The following MAPK4 variants were observed in gnomAD, a reference collection of about 807,000 sequenced individuals.
MAPK4 encodes mitogen-activated protein kinase 4.
MAPK4 carries 22 observed loss-of-function variants against 47.7 expected under a neutral mutation model. The ratio of observed to expected loss-of-function variants is 0.46; its 90% CI spans 0.33 to 0.66. The LOEUF is 0.66. MAPK4 is among the 30% of genes least tolerant of loss of function. The probability of loss-of-function intolerance (pLI) is 0.02; values close to 1 mark genes in which losing one functional copy is unlikely to be tolerated. For synonymous variants in MAPK4, 390 were observed against 365.7 expected (o/e 1.07, Z -0.76); for missense variants, 736 against 831.7 (o/e 0.88, Z 1.42).
intron 2 of MAPK4, among the ~76,000 whole-genome samples, chr18:50,667,015 C>T (rs1907641196): frequency 6.6e-6 from 1 of 152,238 alleles, no homozygotes. Flanking sequence ...GACACAGGAT[C>T]TGAGGCCTCT....
chr18:50,692,103 G>T (rs992476863), intron 2 of MAPK4, among the ~76,000 whole-genome samples: 6 of 152,194 alleles, frequency 3.9e-5, no homozygotes, highest in Admixed American at 3.3e-4. Context: ...GATTATGAAA[G>T]GGGAGGTTGA....
chr18:50,613,479 G>A (rs1404494152), intron 1 of MAPK4, among the ~76,000 whole-genome samples: 1 of 152,196 alleles, frequency 6.6e-6, no homozygotes, highest in Non-Finnish European at 1.5e-5. Flanking sequence ...TGAGAATGCA[G>A]CCCATTTGAC....
intron 2 of MAPK4, among the ~76,000 whole-genome samples, chr18:50,711,197 G>T (rs1910341202): frequency 6.6e-6 from 1 of 152,196 alleles, no homozygotes. Flanking sequence ...GCTCCTCACA[G>T]GGCAGCTGCT....
At chr18:50,648,933 G>A (rs1206546265) in intron 1 of MAPK4, among the ~76,000 whole-genome samples, 1 of 152,198 alleles carries the variant, frequency 6.6e-6, no homozygotes, top group African/African-American at 2.4e-5. Flanking sequence ...CTTGGAGCCT[G>A]GATGAGGGTA....
rs148694605 is a variant in MAPK4, at chr18:50,618,606, G to T, written c.-870-44483G>T. Among the ~76,000 whole-genome samples the T allele has an allele frequency of 2.3e-3, 357 of 152,074 alleles. 4 individuals are homozygous for T. The highest frequency in any genetic ancestry group is 7.7e-3 in the African/African-American group (320 of 41,490). ...GGGGTAAACGCTGCATCTTTTATTT[G>T]TCTTTACTACATTTCCCTTGGCTTT... is the stretch of plus-strand genomic sequence containing the variant. On this transcript the variant is annotated intron_variant, in intron 1 of 5. Transcript: ENST00000400384.
Position 50,661,139 on chromosome 18 carries a change from T to C in MAPK4, c.-870-1950T>C, listed in dbSNP as rs545316150. 2.0e-5 allele frequency among the ~76,000 whole-genome samples: 3 copies of C among 152,302 alleles called. No individual in the cohort carries two copies. In the East Asian group the frequency reaches 5.8e-4, roughly 29 times the overall value. On this transcript the variant is annotated intron_variant, in intron 1 of 5. Transcript: ENST00000400384. The stretch of plus-strand genomic sequence containing the variant: ...GCTGGAAAGGAAGAAGGCTTAAGCA[T>C]GTCTCTTCCTAAAAAAAATAATGAT...
intron 3 of MAPK4, among the ~76,000 whole-genome samples, chr18:50,718,997 T>C (rs555206233): frequency 2.6e-5 from 4 of 151,198 alleles, no homozygotes; most frequent in Non-Finnish European, 5.9e-5. Context: ...GACAGGGGAA[T>C]TGCTTGAACC....
At chr18:50,698,750 C>T (rs1054435080) in intron 2 of MAPK4, among the ~76,000 whole-genome samples, 1 of 152,164 alleles carries the variant, frequency 6.6e-6, no homozygotes, top group South Asian at 2.1e-4. Flanking sequence ...AGTAATATAG[C>T]CAAGCACGGT....
At chr18:50,686,896 T>A (rs1908911712) in intron 2 of MAPK4, among the ~76,000 whole-genome samples, 1 of 152,228 alleles carries the variant, frequency 6.6e-6, no homozygotes, top group Non-Finnish European at 1.5e-5. Flanking sequence ...CTCTGCCTTA[T>A]ACTCTGCCAC....
intron 2 of MAPK4, chr18:50,704,991 T>C (rs565892698): frequency 3.7e-5 from 14 of 382,260 alleles, no homozygotes; most frequent in Non-Finnish European, 6.5e-5. Flanking sequence ...AATAAAGCTC[T>C]GAGTCTGACC....
intron 2 of MAPK4, chr18:50,669,186 C>G (rs1907783401): frequency 2.6e-5 from 4 of 152,294 alleles, no homozygotes; most frequent in Admixed American, 1.3e-4. Context: ...GCCCTTTCTA[C>G]CGCTTCCTCT....
intron 1 of MAPK4, among the ~76,000 whole-genome samples, chr18:50,603,790 G>A (rs554505598): frequency 3.3e-5 from 5 of 152,270 alleles, no homozygotes; most frequent in African/African-American, 1.2e-4. Context: ...TGGGTTCATT[G>A]CACTGGTGTG....
intron 2 of MAPK4, among the ~76,000 whole-genome samples, chr18:50,711,937 C>G (rs370367790): frequency 5.3e-5 from 8 of 151,856 alleles, no homozygotes; most frequent in African/African-American, 1.9e-4. Context: ...CAGAGCCTCT[C>G]CCATTCGGAC....
rs756722709 is a variant in MAPK4 at position 50,654,064 on chromosome 18, A to G, written c.-870-9025A>G. Among the ~76,000 whole-genome samples the G allele has an allele frequency of 2.4e-4, 37 of 152,320 alleles. No homozygotes were observed. The Middle Eastern group carries it at 0.014, about 56-fold the overall frequency. ...AATGTCTGCCATAGGCACAAAATGG[A>G]GTGAAGTAGTATATACGGCACACAT... is the stretch of plus-strand genomic sequence containing the variant. On this transcript the variant is annotated intron_variant, in intron 1 of 5. Coordinates refer to ENST00000400384, the MANE Select transcript of MAPK4 (RefSeq NM_002747.4).
At chr18:50,694,943 T>G (rs2144360931) in intron 2 of MAPK4, among the ~76,000 whole-genome samples, 1 of 152,352 alleles carries the variant, frequency 6.6e-6, no homozygotes, top group Non-Finnish European at 1.5e-5. Flanking sequence ...CTGGCCACTC[T>G]AAGCATTAAA....
intron 2 of MAPK4, among the ~76,000 whole-genome samples, chr18:50,695,075 G>T (rs151151909): frequency 6.6e-6 from 1 of 152,154 alleles, no homozygotes; most frequent in Non-Finnish European, 1.5e-5. Flanking sequence ...GCCAGGCACG[G>T]TGGCTCACGC....
chr18:50,602,412 A>C (rs1246088819), intron 1 of MAPK4, among the ~76,000 whole-genome samples: 1 of 152,122 alleles, frequency 6.6e-6, no homozygotes. Context: ...CTTACTTGGA[A>C]CATCCTCCCT....
chr18:50,721,852 C>T, intron 3 of MAPK4, 86 bp from the exon 4 acceptor site: 1 of 1,407,982 alleles, frequency 7.1e-7, no homozygotes, highest in African/African-American at 1.4e-5. Context: ...TGTTGTCCCT[C>T]CCAGAACACC....
chr18:50,620,830 C>T (rs2042725487), intron 1 of MAPK4, among the ~76,000 whole-genome samples: 1 of 151,952 alleles, frequency 6.6e-6, no homozygotes, highest in Non-Finnish European at 1.5e-5. Context: ...CACCCATGGC[C>T]CAGAGCTCCA....
Sources: gnomAD v4.1 joint callset for allele counts (sites outside exome capture counted in the v4.1 genomes callset) on GRCh38, gnomAD v4.1.1 for gene constraint, MANE v1.5 for transcripts, NCBI Gene and HGNC (gene_info 2026-07-23, HGNC 2026-07-21) for gene names.